TCF12: variants seen among roughly 807,000 people sequenced by gnomAD.
The protein encoded by TCF12 is DNA-binding protein HTF4.
TCF12 carries 45 observed loss-of-function variants against 86.0 expected under a neutral mutation model. The observed-to-expected ratio is 0.52, with a 90% CI of 0.41 to 0.67. The LOEUF is 0.67. TCF12 is among the 30% of genes least tolerant of loss of function. The pLI, the probability that TCF12 is intolerant of heterozygous loss-of-function variation, is 0.00. For missense variants in TCF12, 881 were observed against 859.9 expected, an observed-to-expected ratio of 1.02 and a Z score of -0.31; for synonymous variants, 330 against 299.6, an observed-to-expected ratio of 1.10 and a Z score of -1.05.
At chr15:57,242,784 A>G (rs1438744211) in intron 12 of TCF12, among the ~76,000 whole-genome samples, 6 of 152,230 alleles carry the variant, frequency 3.9e-5, no homozygotes, top group Admixed American at 3.9e-4. Context: ...CAGAATACCT[A>G]AATTTATGCA....
At chr15:57,176,129 T>G (rs1937949532) in intron 6 of TCF12, among the ~76,000 whole-genome samples, 1 of 152,172 alleles carries the variant, frequency 6.6e-6, no homozygotes. Flanking sequence ...GCCCAGGAGT[T>G]CAAGGTTACA....
Position 56,990,151 on chromosome 15 carries a change from CTT to C in TCF12, c.148+69071_148+69072del, listed in dbSNP as rs372235874. Among the ~76,000 whole-genome samples the C allele has an allele frequency of 3.8e-3, 349 of 92,708 alleles. 2 individuals carry two copies. Among genetic ancestry groups the C allele is most frequent in the African/African-American group, 0.012 (320 of 26,196 alleles). 60.8% of individuals were successfully genotyped at this position (92,708 alleles called of 152,430 possible). ...CATTTATTTTTAGGCATAGTCTTGT[CTT>C]TTTTTTTTTTTTTTTTTGGTAAATA... is the stretch of plus-strand genomic sequence containing the variant. On this transcript the variant is annotated intron_variant, in intron 3 of 20. Transcript: ENST00000333725.
At chr15:57,021,848 G>A (rs2065504958) in intron 3 of TCF12, among the ~76,000 whole-genome samples, 3 of 151,960 alleles carry the variant, frequency 2.0e-5, no homozygotes, top group Non-Finnish European at 2.9e-5. Flanking sequence ...GGGTTCCACA[G>A]GGACATGAGT....
downstream of TCF12, among the ~76,000 whole-genome samples, chr15:57,290,176 C>T (rs879833288): frequency 1.3e-5 from 2 of 152,014 alleles, no homozygotes; most frequent in Non-Finnish European, 2.9e-5. Context: ...AACCCCGTGT[C>T]TACTAAAAGT....
chr15:57,023,487 A>G (rs2065622430), intron 3 of TCF12, among the ~76,000 whole-genome samples: 1 of 152,124 alleles, frequency 6.6e-6, no homozygotes, highest in African/African-American at 2.4e-5. Context: ...ATTCTAGTTT[A>G]CTTTCATACT....
chr15:57,115,349 CAG>C lies in TCF12; in HGVS notation c.325+23459_325+23460del, dbSNP rs1460358855. Reference sequence around the variant, plus strand: ...GTTAGCTTCTGATTATGAAGAAAAACAGGTAATTTCTATGATTTCAACATCAA... The same window carrying C: ...GTTAGCTTCTGATTATGAAGAAAAACGTAATTTCTATGATTTCAACATCAA... On this transcript the variant is annotated intron_variant, in intron 5 of 20. Coordinates refer to ENST00000333725, the MANE Select transcript of TCF12 (RefSeq NM_207037.2). 2.0e-5 allele frequency among the ~76,000 whole-genome samples: 3 copies of C among 152,248 alleles called. No homozygotes were observed. In the East Asian group the frequency reaches 5.8e-4, roughly 29 times the overall value.
At chr15:57,198,869 GAGCTTTTT>G (rs1465104993) in intron 8 of TCF12, among the ~76,000 whole-genome samples, 1 of 152,158 alleles carries the variant, frequency 6.6e-6, no homozygotes, top group African/African-American at 2.4e-5. Flanking sequence ...GCATGGGTCT[GAGCTTTTT>G]AGTTTTTATT....
intron 5 of TCF12, among the ~76,000 whole-genome samples, chr15:57,130,673 A>G (rs1596699885): frequency 6.6e-6 from 1 of 152,198 alleles, no homozygotes; most frequent in East Asian, 1.9e-4. Flanking sequence ...GTAGAGTGTT[A>G]AAGAGATTCT....
chr15:56,949,717 G>C lies in TCF12; in HGVS notation c.148+28619G>C, dbSNP rs567847733. Among the ~76,000 whole-genome samples the C allele has an allele frequency of 5.3e-5, 8 of 152,286 alleles. No individual in the cohort carries two copies. In the East Asian group the frequency reaches 1.5e-3, roughly 29 times the overall value. On this transcript the variant is annotated intron_variant, in intron 3 of 20. Transcript: ENST00000333725. Reference sequence around the variant, plus strand: ...GGGATGGAAGGGTGACATAGATATGGCCCTTCTGGAAGAGCTAATTTGTTT... The same window carrying C: ...GGGATGGAAGGGTGACATAGATATGCCCCTTCTGGAAGAGCTAATTTGTTT...
intron 8 of TCF12, among the ~76,000 whole-genome samples, chr15:57,209,394 C>T (rs1200192087): frequency 1.3e-5 from 2 of 152,022 alleles, no homozygotes; most frequent in Non-Finnish European, 2.9e-5. Flanking sequence ...TTTAGGATGA[C>T]CTAATTAAAA....
chr15:57,091,812 C>T lies in TCF12; in HGVS notation c.246C>T (p.Tyr82=). Residue 82 remains tyrosine (Y), a synonymous_variant, in exon 5 of 21, where the codon TAC becomes TAT. Transcript: ENST00000333725. The part of the protein sequence containing the change: ...SSRGFTDSPH[Y]SDHLNDSRLG... ...AGGGTTTTACAGACAGCCCTCATTA[C>T]AGTGATCACTTGAATGACAGTCGAT... The T allele has an allele frequency of 1.2e-6, 2 of 1,613,766 alleles. No individual in the cohort carries two copies. The highest frequency in any genetic ancestry group is 2.2e-5 in the South Asian group (2 of 91,064).
At chr15:57,084,089 G>C (rs1308495591) in intron 4 of TCF12, among the ~76,000 whole-genome samples, 2 of 151,964 alleles carry the variant, frequency 1.3e-5, no homozygotes, top group South Asian at 4.1e-4. Context: ...TTAAGCATGG[G>C]TTTTAATAAA....
In TCF12 at chr15:57,262,147, G is replaced by T; in HGVS notation, c.1521G>T (p.Leu507=). ...SVSLNGNHSV[L]SSTVTTSSTD... Reference sequence around the variant, plus strand: ...GTCTCAATGGCAATCATTCAGTCCTGTCTAGTACAGTCACTACTTCAAGCA... The same window carrying T: ...GTCTCAATGGCAATCATTCAGTCCTTTCTAGTACAGTCACTACTTCAAGCA... Residue 507 remains leucine, a synonymous_variant, in exon 17 of 21, where the codon CTG becomes CTT. Transcript: ENST00000333725. 6.2e-7 allele frequency: 1 copy of T among 1,613,718 alleles called. No homozygotes were observed. The highest frequency in any genetic ancestry group is 2.2e-5 in the East Asian group (1 of 44,844).
At chr15:57,017,013 G>T (rs998737045) in intron 3 of TCF12, among the ~76,000 whole-genome samples, 1 of 152,146 alleles carries the variant, frequency 6.6e-6, no homozygotes, top group Admixed American at 6.5e-5. Flanking sequence ...GGGAACTGAT[G>T]CAAATATGCT....
chr15:57,129,488 G>C (rs985841456), intron 5 of TCF12, among the ~76,000 whole-genome samples: 3 of 152,182 alleles, frequency 2.0e-5, no homozygotes, highest in Admixed American at 6.5e-5. Context: ...GGGAGGTCAA[G>C]GCTGCAGTGA....
chr15:57,139,251 A>C (rs1319451711), intron 5 of TCF12, among the ~76,000 whole-genome samples: 1 of 151,982 alleles, frequency 6.6e-6, no homozygotes, highest in Non-Finnish European at 1.5e-5. Context: ...TCTGCTCTAA[A>C]ATTTCTTACT....
chr15:57,262,060 T>C lies in TCF12; in HGVS notation c.1468-34T>C, dbSNP rs769912374. On this transcript the variant is annotated intron_variant, in intron 16 of 20. Transcript: ENST00000333725. Reference sequence around the variant, plus strand: ...AGTTATTGCCTCTGAACTATCTTAATCTTTTTTTATTTTTGGGTTTTCCTT... The same window carrying C: ...AGTTATTGCCTCTGAACTATCTTAACCTTTTTTTATTTTTGGGTTTTCCTT... 1.0e-5 allele frequency: 15 copies of C among 1,437,414 alleles called. No homozygotes were observed. The African/African-American group carries it at 2.1e-4, about 20-fold the overall frequency. 89.0% of individuals were successfully genotyped at this position (1,437,414 alleles called of 1,614,324 possible). A position where few individuals can be genotyped will look rare whatever the true frequency, so the allele number is the denominator to read the frequency against.
intron 3 of TCF12, among the ~76,000 whole-genome samples, chr15:56,933,260 AG>A (rs1264158255): frequency 2.0e-5 from 3 of 152,254 alleles, no homozygotes; most frequent in Admixed American, 1.3e-4. Flanking sequence ...ATACTTTAAT[AG>A]AACAGAACTT....
rs118056202 is a variant in TCF12 at position 57,078,708 on chromosome 15, G to T, written c.223-13081G>T. The stretch of plus-strand genomic sequence containing the variant: ...GATGAGTGTTGAAGGAGAAAATGGG[G>T]GCTAAAAATCGAGAGCAGGTAAGAC... On this transcript the variant is annotated intron_variant, in intron 4 of 20. Coordinates refer to ENST00000333725, the MANE Select transcript of TCF12 (RefSeq NM_207037.2). 7.9e-3 allele frequency among the ~76,000 whole-genome samples: 1,202 copies of T among 152,200 alleles called. 6 individuals carry two copies. Among genetic ancestry groups the T allele is most frequent in the Non-Finnish European group, 0.012 (793 of 67,998 alleles).
Sources: allele counts gnomAD v4.1 joint callset (sites outside exome capture counted in the v4.1 genomes callset), GRCh38; gene constraint gnomAD v4.1.1; transcripts MANE v1.5; gene names NCBI Gene and HGNC (gene_info 2026-07-23, HGNC 2026-07-21).